Variants in ZFP82 observed in about 807,000 individuals in gnomAD.
ZFP82 encodes ZFP82 zinc finger protein, also known as zinc finger protein 82 homolog.
In ZFP82, 30 loss-of-function variants were observed where a neutral mutation model predicts 54.0. That is an observed-to-expected ratio of 0.56 (90% confidence interval 0.42 to 0.75). ZFP82 has a LOEUF of 0.75. ZFP82 is among the 30% of genes least tolerant of loss of function. ZFP82 has a pLI of 0.00. For missense variants in ZFP82, 500 were observed against 636.8 expected (o/e 0.79, Z 2.31); for synonymous variants, 194 against 209.5 (o/e 0.93, Z 0.64).
chr19:36,417,309 T>C (rs76065009), intron 1 of ZFP82, among the ~76,000 whole-genome samples: 1,784 of 152,064 alleles, frequency 0.012, 38 homozygotes, highest in African/African-American at 0.04. Flanking sequence ...ACTTTACACA[T>C]AGTAATTAAA....
At chr19:36,409,047 C>G (rs2032532994) in intron 2 of ZFP82, among the ~76,000 whole-genome samples, 1 of 152,094 alleles carries the variant, frequency 6.6e-6, no homozygotes, top group Non-Finnish European at 1.5e-5. Flanking sequence ...ATTAATATAG[C>G]ATAATCCAGA....
chr19:36,386,117 C>A (rs142816586), downstream of ZFP82, among the ~76,000 whole-genome samples: 1 of 152,306 alleles, frequency 6.6e-6, no homozygotes, highest in Non-Finnish European at 1.5e-5. Flanking sequence ...GGCATTCTGG[C>A]GCTCTTTGAG....
intron 4 of ZFP82, chr19:36,394,638 C>T (rs1237458392): frequency 6.5e-6 from 1 of 154,940 alleles, no homozygotes; most frequent in Non-Finnish European, 1.4e-5. Flanking sequence ...GCAGACCTCA[C>T]ATGTCCTAAC....
chr19:36,401,868 A>C (rs1209000745), intron 4 of ZFP82, among the ~76,000 whole-genome samples: 1 of 152,238 alleles, frequency 6.6e-6, no homozygotes, highest in Non-Finnish European at 1.5e-5. Context: ...CTTTTCCCAG[A>C]AAATGACATG....
chr19:36,398,534 T>C (rs568717975), intron 4 of ZFP82, among the ~76,000 whole-genome samples: 258 of 91,336 alleles, frequency 2.8e-3, no homozygotes, highest in African/African-American at 0.011. Context: ...CAAAACTCCA[T>C]CTCAAAAAAA....
At chr19:36,407,535 G>C (rs73608349) in intron 3 of ZFP82, among the ~76,000 whole-genome samples, 5,937 of 152,238 alleles carry the variant, frequency 0.039, 359 homozygotes, top group African/African-American at 0.13. Flanking sequence ...CAATAAACAG[G>C]ATCTAGCTAT....
intron 4 of ZFP82, 147 bp downstream of exon 4, chr19:36,405,433 G>A (rs1438367241): frequency 4.0e-6 from 2 of 504,648 alleles, no homozygotes; most frequent in Non-Finnish European, 7.0e-6. Flanking sequence ...TTGGGCCACA[G>A]ACCTTTCCTC....
Position 36,393,433 on chromosome 19 carries a change from G to A in ZFP82, c.907C>T (p.Leu303Phe). The A allele has an allele frequency of 1.9e-6, 3 of 1,613,438 alleles. No individual in the cohort carries two copies. Among genetic ancestry groups the A allele is most frequent in the Non-Finnish European group, 2.5e-6 (3 of 1,179,850 alleles). Residue 303 changes from leucine to phenylalanine, a missense_variant, in exon 5 of 5, where the codon CTT becomes TTT. Leu to Phe is a conservative substitution (Grantham distance 22). Coordinates refer to ENST00000392161, the MANE Select transcript of ZFP82 (RefSeq NM_133466.4). ...QYAHLTRHQK[L>F]NSADRLYECK... is the part of the protein sequence containing the mutation. Reference sequence around the variant, plus strand: ...TCATAGAGCCTGTCAGCACTATTAAGCTTCTGATGCCGAGTCAGGTGTGCG... The same window carrying A: ...TCATAGAGCCTGTCAGCACTATTAAACTTCTGATGCCGAGTCAGGTGTGCG...
chr19:36,401,758 T>C (rs950228546), intron 4 of ZFP82, among the ~76,000 whole-genome samples: 2 of 152,216 alleles, frequency 1.3e-5, no homozygotes, highest in African/African-American at 4.8e-5. Context: ...AGCTTCTTAC[T>C]TTCCCTTTCC....
downstream of ZFP82, among the ~76,000 whole-genome samples, chr19:36,386,319 G>C (rs2032114734): frequency 6.6e-6 from 1 of 152,262 alleles, no homozygotes; most frequent in Admixed American, 6.5e-5. Flanking sequence ...TTTGGCAGGA[G>C]TGCAGAATGC....
chr19:36,407,099 CG>C (rs2032495950), intron 3 of ZFP82, among the ~76,000 whole-genome samples: 1 of 117,934 alleles, frequency 8.5e-6, no homozygotes, highest in Non-Finnish European at 1.7e-5. Context: ...TTTTTTGAGA[CG>C]GAGTCTCGCT....
intron 1 of ZFP82, among the ~76,000 whole-genome samples, chr19:36,413,970 G>A (rs550857274): frequency 2.7e-5 from 4 of 146,644 alleles, no homozygotes; most frequent in South Asian, 2.2e-4. Context: ...GCAAGATCTC[G>A]GCTCACTGCA....
chr19:36,402,487 A>G (rs1426376225), intron 4 of ZFP82, among the ~76,000 whole-genome samples: 1 of 149,412 alleles, frequency 6.7e-6, no homozygotes, highest in Non-Finnish European at 1.5e-5. Context: ...AAAAAAAAAA[A>G]GATTAGGGAT....
At chr19:36,396,385 C>T (rs1006591703) in intron 4 of ZFP82, among the ~76,000 whole-genome samples, 6 of 152,082 alleles carry the variant, frequency 3.9e-5, no homozygotes, top group African/African-American at 1.4e-4. Flanking sequence ...CAGTGGCTCA[C>T]GCACATAATC....
rs1442502730 is a variant in ZFP82 at position 36,391,324 on chromosome 19, A to C, written c.*1417T>G. 1 of 152,062 alleles carries C rather than the reference A, an allele frequency of 6.6e-6. No homozygotes were observed. The highest frequency in any genetic ancestry group is 2.4e-5 in the African/African-American group (1 of 41,426). The allele number at this position is 152,062 out of a possible 1,614,324, so 9.4% of individuals were successfully genotyped here. On this transcript the variant is annotated 3_prime_UTR_variant, in exon 5 of 5. Transcript: ENST00000392161. Reference sequence around the variant, plus strand: ...TTGAGGGGATTGCCTCAAAATGCTAAATTGACAATTTAGCATTTTTAAAAA... The same window carrying C: ...TTGAGGGGATTGCCTCAAAATGCTACATTGACAATTTAGCATTTTTAAAAA...
Position 36,393,807 on chromosome 19 carries a change from G to A in ZFP82, c.533C>T (p.Ala178Val), listed in dbSNP as rs1329080002. 4.3e-6 allele frequency: 7 copies of A among 1,613,956 alleles called. No homozygotes were observed. Among genetic ancestry groups the A allele is most frequent in the East Asian group, 2.2e-5 (1 of 44,880 alleles). The change falls in exon 5 of 5, where the codon GCG (alanine) becomes GTG (valine). Residue 178 changes from alanine to valine, a missense_variant. By Grantham distance (64) the Ala-to-Val change is moderately conservative. Coordinates refer to ENST00000392161, the MANE Select transcript of ZFP82 (RefSeq NM_133466.4). ...KPYECKECGK[A>V]FRVRQQLTFH... Reference sequence around the variant, plus strand: ...AGTAAGCTGTTGGCGCACTCTGAACGCCTTCCCACATTCCTTACATTCATA... The same window carrying A: ...AGTAAGCTGTTGGCGCACTCTGAACACCTTCCCACATTCCTTACATTCATA...
At position 36,409,869 on chromosome 19, in the gene ZFP82, T is replaced by C; in HGVS notation, c.-78-2A>G. 1 of 1,511,186 alleles carries C rather than the reference T, an allele frequency of 6.6e-7. No homozygotes were observed. The highest frequency in any genetic ancestry group is 9.2e-7 in the Non-Finnish European group (1 of 1,092,086). 93.6% of individuals were successfully genotyped at this position (1,511,186 alleles called of 1,614,324 possible). On this transcript the variant is annotated splice_acceptor_variant, in intron 1 of 4. Coordinates refer to ENST00000392161, the MANE Select transcript of ZFP82 (RefSeq NM_133466.4). LOFTEE classifies it low-confidence loss of function (5UTR_SPLICE). The stretch of plus-strand genomic sequence containing the variant: ...AGCACCGAGTCCACAGAGGCTGATC[T>C]AGGGAGAGGAAAACAAGGCCATGAG...
At position 36,405,651 on chromosome 19, in the gene ZFP82, T is replaced by C. The variant is rs1208580102; in HGVS notation, c.158A>G (p.Asp53Gly). ...VSLGCFISKP[D>G]VISSLEQGKE... ...TCCTTGCTCCAATGAGGAAATCACA[T>C]CTGGTTTAGAAATGAAGCATCCTGC... The change falls in exon 4 of 5, where the codon GAT (aspartate) becomes GGT (glycine). Residue 53 changes from aspartate to glycine, a missense_variant. Physicochemically the swap from Asp to Gly is moderately conservative, Grantham distance 94. Transcript: ENST00000392161. The C allele has an allele frequency of 1.1e-5, 17 of 1,607,156 alleles. No individual in the cohort carries two copies. The highest frequency in any genetic ancestry group is 1.7e-5 in the Admixed American group (1 of 59,896).
chr19:36,388,588 T>A (rs1169552143), downstream of ZFP82, among the ~76,000 whole-genome samples: 9 of 152,240 alleles, frequency 5.9e-5, no homozygotes. Flanking sequence ...TAGTAATATG[T>A]AACTTAAATT....
Sources: allele counts gnomAD v4.1 joint callset (sites outside exome capture counted in the v4.1 genomes callset), GRCh38; gene constraint gnomAD v4.1.1; transcripts MANE v1.5; gene names NCBI Gene and HGNC (gene_info 2026-07-23, HGNC 2026-07-21).